Variants in SRP54 observed in about 807,000 individuals in gnomAD.
SRP54 encodes signal recognition particle 54.
SRP54 carries 10 observed loss-of-function variants against 64.8 expected under a neutral mutation model. The ratio of observed to expected loss-of-function variants is 0.15; its 90% CI spans 0.10 to 0.26. The LOEUF (loss-of-function observed/expected upper bound fraction) is 0.26, where lower values mean the gene tolerates loss of function less well. Among genes scored for constraint, SRP54 ranks in the 10% least tolerant of loss-of-function variants. The pLI, the probability that SRP54 is intolerant of heterozygous loss-of-function variation, is 1.00. For missense variants in SRP54, 325 were observed against 613.7 expected (o/e 0.53, Z 4.97); for synonymous variants, 193 against 185.6 (o/e 1.04, Z -0.32).
At chr14:35,005,247 C>T (rs113184193) in intron 4 of SRP54, among the ~76,000 whole-genome samples, 11,976 of 152,122 alleles carry the variant, frequency 0.079, 603 homozygotes, top group Non-Finnish European at 0.12. Flanking sequence ...ATGGTAGGAT[C>T]GCTTGAGTCC....
chr14:35,014,596 T>G, intron 10 of SRP54, 148 bp from the exon 11 acceptor site: 1 of 616,342 alleles, frequency 1.6e-6, no homozygotes, highest in Non-Finnish European at 2.7e-6. Flanking sequence ...CTTAACTTTC[T>G]TAGCTTTGGT....
At chr14:35,004,235 G>A (rs868573415) in intron 4 of SRP54, among the ~76,000 whole-genome samples, 1 of 152,144 alleles carries the variant, frequency 6.6e-6, no homozygotes, top group Non-Finnish European at 1.5e-5. Flanking sequence ...GGCCACGAGA[G>A]CGAAACTCCA....
At chr14:34,988,542 C>T (rs1438883438) in intron 1 of SRP54, among the ~76,000 whole-genome samples, 5 of 36,670 alleles carry the variant, frequency 1.4e-4, no homozygotes, top group Non-Finnish European at 3.4e-4. Context: ...AGCCTGGCGA[C>T]AGAGTGAGAC....
intron 2 of SRP54, among the ~76,000 whole-genome samples, chr14:34,999,011 GT>G (rs1308953250): frequency 3.3e-3 from 154 of 46,268 alleles, no homozygotes; most frequent in African/African-American, 8.3e-3. Flanking sequence ...GTGTGTGTGT[GT>G]GGTTTTTTTT....
chr14:35,007,806 A>ATACCT (rs1555354272), intron 5 of SRP54, among the ~76,000 whole-genome samples: 2 of 123,956 alleles, frequency 1.6e-5, no homozygotes, highest in Non-Finnish European at 3.6e-5. Context: ...ACATATTAAG[A>ATACCT]TATAAAGCCA....
At chr14:35,010,778 T>G (rs530956734) in intron 7 of SRP54, among the ~76,000 whole-genome samples, 1 of 151,168 alleles carries the variant, frequency 6.6e-6, no homozygotes, top group Admixed American at 6.6e-5. Flanking sequence ...AATAAATAAA[T>G]AAATACATAA....
intron 8 of SRP54, among the ~76,000 whole-genome samples, chr14:35,012,815 A>G (rs2044375777): frequency 6.6e-6 from 1 of 152,046 alleles, no homozygotes; most frequent in Non-Finnish European, 1.5e-5. Context: ...CTAGAATGCA[A>G]GTTTCTTAGG....
rs768658201 is a variant in SRP54 at position 35,019,114 on chromosome 14, G to A, written c.1156+40G>A. The A allele has an allele frequency of 1.1e-5, 15 of 1,375,816 alleles. No homozygotes were observed. In the Admixed American group the frequency reaches 1.7e-4, roughly 16 times the overall value. The allele number at this position is 1,375,816 out of a possible 1,614,324, so 85.2% of individuals were successfully genotyped here. A position where few individuals can be genotyped will look rare whatever the true frequency, so the allele number is the denominator to read the frequency against. On this transcript the variant is annotated intron_variant, in intron 13 of 15. Transcript: ENST00000216774. Reference sequence around the variant, plus strand: ...TATTTTCCTCAGGCAAAAATGTTCTGAGTATCAGTAAGATGAGAGTTTCAC... The same window carrying A: ...TATTTTCCTCAGGCAAAAATGTTCTAAGTATCAGTAAGATGAGAGTTTCAC...
intron 1 of SRP54, among the ~76,000 whole-genome samples, chr14:34,985,586 T>TG: frequency 6.6e-6 from 1 of 152,328 alleles, no homozygotes; most frequent in Middle Eastern, 3.4e-3. Flanking sequence ...GGCTCTTCAG[T>TG]TTTTTCCCTC....
chr14:35,001,027 G>T lies in SRP54; in HGVS notation c.255+7G>T. The T allele has an allele frequency of 6.7e-7, 1 of 1,500,912 alleles. No individual in the cohort carries two copies. The highest frequency in any genetic ancestry group is 1.9e-5 in the Admixed American group (1 of 53,048). 93.0% of individuals were successfully genotyped at this position (1,500,912 alleles called of 1,614,324 possible). ...ATTTAAAGAACTTGTGAAGGTAAAA[G>T]TATATGAAGATTATGCTGTGATTCT... On this transcript the variant is annotated splice_region_variant and intron_variant, in intron 4 of 15. Coordinates refer to ENST00000216774, the MANE Select transcript of SRP54 (RefSeq NM_003136.4).
At chr14:34,997,912 T>TGTA (rs1405582758) in intron 2 of SRP54, among the ~76,000 whole-genome samples, 1 of 152,128 alleles carries the variant, frequency 6.6e-6, no homozygotes, top group African/African-American at 2.4e-5. Context: ...TTCCCTGTTG[T>TGTA]GTAGCCCTTA....
chr14:35,003,023 C>A (rs1483033981), intron 4 of SRP54, among the ~76,000 whole-genome samples: 1 of 152,060 alleles, frequency 6.6e-6, no homozygotes, highest in Non-Finnish European at 1.5e-5. Flanking sequence ...TAGGATTACA[C>A]ATGTCAGCCA....
chr14:34,985,924 C>G (rs1481414312), intron 1 of SRP54, among the ~76,000 whole-genome samples: 1 of 152,166 alleles, frequency 6.6e-6, no homozygotes, highest in Non-Finnish European at 1.5e-5. Context: ...TCTTATCCCT[C>G]CTTTTCCTTT....
intron 1 of SRP54, among the ~76,000 whole-genome samples, chr14:34,984,909 T>A (rs1245078793): frequency 3.1e-5 from 1 of 32,566 alleles, no homozygotes; most frequent in Non-Finnish European, 9.6e-5. Flanking sequence ...TTCACCTTCC[T>A]TTTTTTTTTT....
Position 34,990,228 on chromosome 14 carries a change from CT to C in SRP54, c.-33-6448del, listed in dbSNP as rs546546439. Among the ~76,000 whole-genome samples, 12 of 152,290 alleles carry C rather than the reference CT, an allele frequency of 7.9e-5. No individual in the cohort carries two copies. In the South Asian group the frequency reaches 2.5e-3, roughly 32 times the overall value. On this transcript the variant is annotated intron_variant, in intron 1 of 15. Transcript: ENST00000216774. ...TTGCAGTGATAGTTATCATTTCTTT[CT>C]GAACGTTGCAATTACTCCTCCACAA...
intron 1 of SRP54, among the ~76,000 whole-genome samples, chr14:34,995,188 T>TGTGTGTGTGTGTGTGTGTGTAG (rs1555353238): frequency 3.8e-5 from 3 of 79,910 alleles, no homozygotes; most frequent in African/African-American, 1.3e-4. Flanking sequence ...TGTGTGTGTG[T>TGTGTGTGTGTGTGTGTGTGTAG]AGAGAGAGAG....
At chr14:35,013,058 C>T (rs146990622) in intron 8 of SRP54, among the ~76,000 whole-genome samples, 2,419 of 151,518 alleles carry the variant, frequency 0.016, 38 homozygotes, top group South Asian at 0.063. Flanking sequence ...ATTCTCCTGC[C>T]TGAGCCTCTC....
intron 5 of SRP54, among the ~76,000 whole-genome samples, 200 bp downstream of exon 5, chr14:35,007,587 A>G (rs1394894057): frequency 1.4e-5 from 2 of 146,674 alleles, no homozygotes; most frequent in South Asian, 4.2e-4. Context: ...ATATATTTAT[A>G]TTATAATAAA....
At chr14:34,992,328 A>G (rs1386153494) in intron 1 of SRP54, among the ~76,000 whole-genome samples, 1 of 152,110 alleles carries the variant, frequency 6.6e-6, no homozygotes, top group Non-Finnish European at 1.5e-5. Context: ...TTTAAAATAC[A>G]CACTGCCAGT....
Sources: allele counts gnomAD v4.1 joint callset (sites outside exome capture counted in the v4.1 genomes callset), GRCh38; gene constraint gnomAD v4.1.1; transcripts MANE v1.5; gene names NCBI Gene and HGNC (gene_info 2026-07-23, HGNC 2026-07-21).